Variants in TRPM5 observed in about 807,000 individuals in gnomAD.
TRPM5 encodes MLSN1 and TRP-related.
Under a neutral mutation model 124.9 loss-of-function variants are expected in TRPM5, and 121 were observed. The ratio of observed to expected loss-of-function variants is 0.97; its 90% CI spans 0.84 to 1.13. The LOEUF (loss-of-function observed/expected upper bound fraction) is 1.13, where lower values mean the gene tolerates loss of function less well. Ranked by LOEUF, TRPM5 falls within the 50% of genes most tolerant of loss-of-function variation. The pLI is 0.00. For synonymous variants in TRPM5, 781 were observed against 700.5 expected, an observed-to-expected ratio of 1.11 and a Z score of -1.81; for missense variants, 1,643 against 1,589.1, an observed-to-expected ratio of 1.03 and a Z score of -0.58.
At chr11:2,409,267 T>C (rs532307003) in intron 18 of TRPM5, among the ~76,000 whole-genome samples, 15 of 152,222 alleles carry the variant, frequency 9.9e-5, no homozygotes, top group Non-Finnish European at 1.8e-4. Context: ...AATCTGTTCC[T>C]GGGCAGACTG....
In TRPM5 at chr11:2,411,816, G is replaced by A. The variant is rs200813427; in HGVS notation, c.2475-49C>T. ...GCTGCGGGGCCCAGAGAGGGGCAGAGGCTTCCCCAGGGGCACACAGCATGC... is the reference window on the plus strand; with the variant it reads ...GCTGCGGGGCCCAGAGAGGGGCAGAAGCTTCCCCAGGGGCACACAGCATGC... On this transcript the variant is annotated intron_variant, in intron 16 of 23. Transcript: ENST00000155858. 1.9e-6 allele frequency: 3 copies of A among 1,605,064 alleles called. No homozygotes were observed. The East Asian group carries it at 6.7e-5, about 36-fold the overall frequency.
At position 2,412,739 on chromosome 11, in the gene TRPM5, A is replaced by T. The variant is rs1282859864; in HGVS notation, c.2355+15T>A. The T allele has an allele frequency of 1.3e-6, 2 of 1,578,074 alleles. No individual in the cohort carries two copies. Among genetic ancestry groups the T allele is most frequent in the African/African-American group, 2.7e-5 (2 of 74,060 alleles). On this transcript the variant is annotated intron_variant, in intron 15 of 23. Coordinates refer to ENST00000155858, the Ensembl canonical transcript of TRPM5. Reference sequence around the variant, plus strand: ...CTGCAGAGTGGAGGGGACCTAGGCTAGTGTGGCCACCGACCTGCCGGATTT... The same window carrying T: ...CTGCAGAGTGGAGGGGACCTAGGCTTGTGTGGCCACCGACCTGCCGGATTT...
chr11:2,409,180 A>G (rs1395763841), intron 18 of TRPM5, among the ~76,000 whole-genome samples: 1 of 152,066 alleles, frequency 6.6e-6, no homozygotes. Flanking sequence ...ACTGGCAGTC[A>G]GTGAGCGCCA....
chr11:2,432,136 C>T, the TRPM5 span, among the ~76,000 whole-genome samples: 1 of 152,216 alleles, frequency 6.6e-6, no homozygotes, highest in African/African-American at 2.4e-5. Flanking sequence ...CACTGTCTGC[C>T]CGCTCTAGCC....
chr11:2,417,923 TCCC>T, intron 6 of TRPM5, 94 bp from the exon 12 acceptor site: 1 of 1,266,566 alleles, frequency 7.9e-7, no homozygotes, highest in Non-Finnish European at 1.1e-6. Context: ...ACAGGCAGCG[TCCC>T]CAGGTGAGCC....
At chr11:2,413,704 GC>G in intron 12 of TRPM5, 116 bp from the exon 18 acceptor site, 2 of 973,412 alleles carry the variant, frequency 2.1e-6, no homozygotes, top group Non-Finnish European at 3.1e-6. Flanking sequence ...GGGGTGCCCA[GC>G]CCAGCCCTCC....
chr11:2,431,080 C>T, the TRPM5 span, among the ~76,000 whole-genome samples: 1 of 152,202 alleles, frequency 6.6e-6, no homozygotes, highest in East Asian at 1.9e-4. Context: ...AAGTAGGCAC[C>T]TATGGGCTGC....
At chr11:2,438,258 A>G in the TRPM5 span, among the ~76,000 whole-genome samples, 1 of 152,232 alleles carries the variant, frequency 6.6e-6, no homozygotes, top group Non-Finnish European at 1.5e-5. This position sits in a 1 kb window ranked among gnomAD's most constrained non-coding sequence, Gnocchi z 5.9. Flanking sequence ...TGGCAAAAGC[A>G]TTCCCCTTAA....
chr11:2,425,252 G>A (rs776594917), upstream of TRPM5, among the ~76,000 whole-genome samples: 1 of 152,164 alleles, frequency 6.6e-6, no homozygotes, highest in African/African-American at 2.4e-5. Context: ...GAGCCCAGAC[G>A]TCCCAAATCC....
At chr11:2,422,091 C>G in intron 2 of TRPM5, 50 bp downstream of exon 7, 1 of 1,512,534 alleles carries the variant, frequency 6.6e-7, no homozygotes, top group Non-Finnish European at 8.9e-7. Context: ...GTCAGGGGGT[C>G]GGGCTGCCCT....
the TRPM5 span, among the ~76,000 whole-genome samples, chr11:2,433,390 C>T: frequency 2.0e-5 from 3 of 152,164 alleles, no homozygotes; most frequent in South Asian, 2.1e-4. Context: ...AAGGGCTGCC[C>T]GGCCAACTCC....
chr11:2,424,820 G>A (rs961500820), upstream of TRPM5, among the ~76,000 whole-genome samples: 9 of 152,296 alleles, frequency 5.9e-5, no homozygotes, highest in African/African-American at 2.2e-4. Context: ...GCTGCCCAGG[G>A]CCCCCCTGTG....
At chr11:2,432,118 C>T in the TRPM5 span, among the ~76,000 whole-genome samples, 1 of 152,188 alleles carries the variant, frequency 6.6e-6, no homozygotes, top group Non-Finnish European at 1.5e-5. Flanking sequence ...GACACTGGGC[C>T]GGGGCTCCAC....
chr11:2,409,558 A>G (rs1286725982), intron 18 of TRPM5, among the ~76,000 whole-genome samples: 1 of 152,184 alleles, frequency 6.6e-6, no homozygotes. Context: ...CTGGGCTCTG[A>G]GGAGACCTGC....
the TRPM5 span, among the ~76,000 whole-genome samples, chr11:2,428,446 G>A: frequency 6.6e-6 from 1 of 152,264 alleles, no homozygotes; most frequent in Middle Eastern, 3.4e-3. This position sits in a 1 kb window ranked among gnomAD's most constrained non-coding sequence, Gnocchi z 4.0. Flanking sequence ...GAAGGTGATG[G>A]TGGTGGTGGT....
exon 24 of TRPM5, chr11:2,404,733 A>G (rs1850277754): frequency 1.8e-6 from 1 of 562,458 alleles, no homozygotes; most frequent in East Asian, 3.0e-5. Context: ...GCCCCATGAC[A>G]CTGCTGTGCC....
intron 7 of TRPM5, among the ~76,000 whole-genome samples, chr11:2,416,428 T>C (rs1001016891): frequency 6.6e-6 from 1 of 151,992 alleles, no homozygotes; most frequent in Admixed American, 6.5e-5. Flanking sequence ...CTTGGTGAGG[T>C]CACCAGGGTC....
chr11:2,434,856 C>T, the TRPM5 span, among the ~76,000 whole-genome samples: 1 of 152,148 alleles, frequency 6.6e-6, no homozygotes, highest in Non-Finnish European at 1.5e-5. Flanking sequence ...TTCTGAGGTT[C>T]TGGAAATGAC....
chr11:2,411,671 C>T (rs1359606112), exon 17 of TRPM5: 2 of 1,612,586 alleles, frequency 1.2e-6, no homozygotes, highest in Admixed American at 3.3e-5. Flanking sequence ...GGCCCAGCTG[C>T]TTGTGTATGG....
Sources: allele counts gnomAD v4.1 joint callset (sites outside exome capture counted in the v4.1 genomes callset), GRCh38; gene constraint gnomAD v4.1.1; non-coding constraint Gnocchi (gnomAD v3.1); transcripts MANE v1.5; gene names NCBI Gene and HGNC (gene_info 2026-07-23, HGNC 2026-07-21).